The following PIEZO2 variants were observed in gnomAD, a reference collection of about 807,000 sequenced individuals.
The protein encoded by PIEZO2 is piezo type mechanosensitive ion channel component 2.
PIEZO2 carries 172 observed loss-of-function variants against 337.3 expected under a neutral mutation model. The ratio of observed to expected loss-of-function variants is 0.51; its 90% CI spans 0.45 to 0.58. The LOEUF is 0.58. Ranked by LOEUF, PIEZO2 falls within the 20% of genes least tolerant of loss-of-function variation. The pLI is 0.00. For synonymous variants in PIEZO2, 1,251 were observed against 1,228.5 expected (o/e 1.02, Z -0.38); for missense variants, 3,028 against 3,391.3 (o/e 0.89, Z 2.66).
At chr18:11,086,418 C>A (rs943394076) in intron 1 of PIEZO2, among the ~76,000 whole-genome samples, 2 of 151,152 alleles carry the variant, frequency 1.3e-5, no homozygotes, top group African/African-American at 4.9e-5. Flanking sequence ...ACTCAGGAGG[C>A]TGAGGCAGGA....
At chr18:10,805,701 T>C (rs2039980910) in intron 8 of PIEZO2, among the ~76,000 whole-genome samples, 1 of 152,192 alleles carries the variant, frequency 6.6e-6, no homozygotes, top group African/African-American at 2.4e-5. Flanking sequence ...TTACCACCCA[T>C]AAATCATTTT....
chr18:11,081,957 A>T (rs545729011), intron 1 of PIEZO2, among the ~76,000 whole-genome samples: 29 of 152,012 alleles, frequency 1.9e-4, no homozygotes, highest in African/African-American at 7.0e-4. Context: ...ACGGGGTTTC[A>T]CCATATTGGT....
intron 3 of PIEZO2, among the ~76,000 whole-genome samples, chr18:10,935,627 G>T (rs1010553865): frequency 6.6e-6 from 1 of 152,208 alleles, no homozygotes; most frequent in Admixed American, 6.5e-5. Flanking sequence ...AAAGAAACTG[G>T]CTGGATTAGA....
chr18:11,144,124 C>T (rs923447268), intron 1 of PIEZO2, among the ~76,000 whole-genome samples: 18 of 152,166 alleles, frequency 1.2e-4, no homozygotes, highest in African/African-American at 3.4e-4. Context: ...TCTCTGACTA[C>T]GAACAAACAC....
intron 47 of PIEZO2, among the ~76,000 whole-genome samples, chr18:10,695,176 A>G (rs1171799944): frequency 2.6e-5 from 4 of 152,266 alleles, no homozygotes; most frequent in Non-Finnish European, 4.4e-5. Context: ...TTGTTCATCC[A>G]TGAGCACCAA....
At chr18:10,931,662 T>C (rs2032091006) in intron 3 of PIEZO2, among the ~76,000 whole-genome samples, 1 of 152,042 alleles carries the variant, frequency 6.6e-6, no homozygotes, top group Non-Finnish European at 1.5e-5. Flanking sequence ...CTTTCTGTTC[T>C]CTCTCCCTCT....
In PIEZO2 at chr18:10,720,413, GTGTATGTATATA is replaced by G. The variant is rs1567983918; in HGVS notation, c.5030-2166_5030-2155del. 2.2e-4 allele frequency among the ~76,000 whole-genome samples: 8 copies of G among 36,682 alleles called. 1 individual carries two copies. Among genetic ancestry groups the G allele is most frequent in the Admixed American group, 7.7e-4 (2 of 2,610 alleles). The allele number at this position is 36,682 out of a possible 152,430, so 24.1% of individuals were successfully genotyped here. A position where few individuals can be genotyped will look rare whatever the true frequency, so the allele number is the denominator to read the frequency against. ...TGTGTGTGTGTGTGTGTATGTGTAT[GTGTATGTATATA>G]TATATATATATATATATATATATAT... On this transcript the variant is annotated intron_variant, in intron 36 of 55. Transcript: ENST00000674853.
At chr18:10,923,938 C>T (rs1287433811) in intron 3 of PIEZO2, among the ~76,000 whole-genome samples, 2 of 152,232 alleles carry the variant, frequency 1.3e-5, no homozygotes, top group Non-Finnish European at 2.9e-5. Flanking sequence ...ACACACTCTT[C>T]CCATAACTGC....
Position 11,014,865 on chromosome 18 carries a change from G to A in PIEZO2, c.161-35205C>T, listed in dbSNP as rs117726161. Among the ~76,000 whole-genome samples the A allele has an allele frequency of 2.1e-4, 28 of 135,136 alleles. No individual in the cohort carries two copies. The East Asian group carries it at 4.1e-3, about 20-fold the overall frequency. The allele number at this position is 135,136 out of a possible 152,430, so 88.7% of individuals were successfully genotyped here. ...AACATGTCACCCTGGGTAAGACAGC[G>A]ATCCAAGGCCCCCTCATTCCTCAGT... On this transcript the variant is annotated intron_variant, in intron 2 of 55. Coordinates refer to ENST00000674853, the MANE Select transcript of PIEZO2 (RefSeq NM_001378183.1).
intron 36 of PIEZO2, among the ~76,000 whole-genome samples, chr18:10,722,270 A>G (rs889997743): frequency 4.0e-5 from 6 of 150,188 alleles, no homozygotes; most frequent in Non-Finnish European, 8.8e-5. Flanking sequence ...TCACTCTGTC[A>G]CCCAGGCTAG....
At chr18:10,970,454 A>T (rs962247858) in intron 3 of PIEZO2, among the ~76,000 whole-genome samples, 4 of 152,210 alleles carry the variant, frequency 2.6e-5, no homozygotes, top group African/African-American at 9.7e-5. Context: ...CCTGGATGCT[A>T]TCACTACATT....
chr18:10,745,863 C>T (rs1317147844), intron 30 of PIEZO2, among the ~76,000 whole-genome samples: 1 of 152,114 alleles, frequency 6.6e-6, no homozygotes, highest in African/African-American at 2.4e-5. Flanking sequence ...GTTTCATGTG[C>T]CCATGAGACC....
In PIEZO2 at chr18:10,672,630, C is replaced by T. The variant is rs2033827585; in HGVS notation, c.8345+60G>A. 2.6e-6 allele frequency: 4 copies of T among 1,549,246 alleles called. No individual in the cohort carries two copies. The highest frequency in any genetic ancestry group is 3.5e-6 in the Non-Finnish European group (4 of 1,148,176). On this transcript the variant is annotated intron_variant, in intron 55 of 55. Coordinates refer to ENST00000674853, the MANE Select transcript of PIEZO2 (RefSeq NM_001378183.1). The surrounding 1 kb of genome is among the most constrained non-coding windows in gnomAD (Gnocchi z 4.7). ...AAGAAGATAAAAGGCTTCCCACTCTCAACTTTACATGATACAGAAGTAGAC... is the reference window on the plus strand; with the variant it reads ...AAGAAGATAAAAGGCTTCCCACTCTTAACTTTACATGATACAGAAGTAGAC...
rs1463698657 is a variant in PIEZO2, at chr18:11,125,316, AGAC to A, written c.64+23206_64+23208del. On this transcript the variant is annotated intron_variant, in intron 1 of 55. Transcript: ENST00000674853. This position sits in a 1 kb window ranked among gnomAD's most constrained non-coding sequence, Gnocchi z 4.4. ...TAAAAACTACGATGTGTCCGACAAA[AGAC>A]AGTGCTGTTAAGTCATCAGCATTGT... Among the ~76,000 whole-genome samples the A allele has an allele frequency of 6.6e-6, 1 of 152,246 alleles. No homozygotes were observed. Among genetic ancestry groups the A allele is most frequent in the East Asian group, 1.9e-4 (1 of 5,206 alleles).
Position 10,988,488 on chromosome 18 carries a change from G to C in PIEZO2, c.161-8828C>G, listed in dbSNP as rs924954798. Among the ~76,000 whole-genome samples, 1 of 152,156 alleles carries C rather than the reference G, an allele frequency of 6.6e-6. No individual in the cohort carries two copies. Among genetic ancestry groups the C allele is most frequent in the Non-Finnish European group, 1.5e-5 (1 of 68,018 alleles). On this transcript the variant is annotated intron_variant, in intron 2 of 55. Coordinates refer to ENST00000674853, the MANE Select transcript of PIEZO2 (RefSeq NM_001378183.1). The surrounding 1 kb of genome is among the most constrained non-coding windows in gnomAD (Gnocchi z 4.8). ...AAAAGAGAACTCTTATATACTGTTG[G>C]TGAAAATGTAACTTGGTAGCTCCAT... is the stretch of plus-strand genomic sequence containing the variant.
At chr18:11,091,393 AAAAAAAG>A (rs1451261706) in intron 1 of PIEZO2, among the ~76,000 whole-genome samples, 2 of 123,200 alleles carry the variant, frequency 1.6e-5, no homozygotes, top group Non-Finnish European at 3.8e-5. Context: ...CAAAAAAAAA[AAAAAAAG>A]AAAAAAAGAA....
chr18:10,791,435 C>CT (rs2039408104), intron 13 of PIEZO2, 111 bp from the exon 14 acceptor site: 1 of 1,207,504 alleles, frequency 8.3e-7, no homozygotes, highest in East Asian at 3.1e-5. Context: ...ATAAATAAAC[C>CT]TTTTTATTGG....
chr18:10,671,504 T>G lies in PIEZO2; in HGVS notation c.*23A>C, dbSNP rs1434292077. The stretch of plus-strand genomic sequence containing the variant: ...AAAAAAAATTCAAATGTTAACATTA[T>G]TTGCAGTCTGTGTTCTAAGGTTTCA... On this transcript the variant is annotated 3_prime_UTR_variant, in exon 56 of 56. Coordinates refer to ENST00000674853, the MANE Select transcript of PIEZO2 (RefSeq NM_001378183.1). 6.3e-7 allele frequency: 1 copy of G among 1,589,934 alleles called. No homozygotes were observed. Among genetic ancestry groups the G allele is most frequent in the South Asian group, 1.1e-5 (1 of 87,324 alleles).
chr18:10,809,886 C>G (rs1294385578), intron 7 of PIEZO2, among the ~76,000 whole-genome samples: 1 of 152,164 alleles, frequency 6.6e-6, no homozygotes, highest in African/African-American at 2.4e-5. Context: ...GGGATGGGTA[C>G]TCCTCCTGAC....
Sources: gnomAD v4.1 joint callset for allele counts (sites outside exome capture counted in the v4.1 genomes callset) on GRCh38, gnomAD v4.1.1 for gene constraint, Gnocchi (gnomAD v3.1) non-coding constraint, MANE v1.5 for transcripts, NCBI Gene and HGNC (gene_info 2026-07-23, HGNC 2026-07-21) for gene names.